Variants in BCLAF3 observed in about 807,000 individuals in gnomAD.
BCLAF3 encodes BCLAF1 and THRAP3 family member 3.
Under a neutral mutation model 51.2 loss-of-function variants are expected in BCLAF3, and 24 were observed. That is an observed-to-expected ratio of 0.47 (90% CI 0.34 to 0.66). The LOEUF (loss-of-function observed/expected upper bound fraction) is 0.66. BCLAF3 is among the 30% of genes least tolerant of loss of function. The pLI is 0.01. For synonymous variants in BCLAF3, 152 were observed against 176.6 expected (o/e 0.86, Z 1.10); for missense variants, 465 against 525.1 (o/e 0.89, Z 1.12).
At chrX:19,982,466 T>C (rs1193419392) in intron 1 of BCLAF3, among the ~76,000 whole-genome samples, 1 of 110,164 alleles carries the variant, frequency 9.1e-6, no homozygotes, top group Non-Finnish European at 1.9e-5. Flanking sequence ...TATTGCCAGT[T>C]CTTCAGTAAG....
chrX:19,977,011 T>C (rs1279959194), intron 1 of BCLAF3, among the ~76,000 whole-genome samples: 3 of 111,730 alleles, frequency 2.7e-5, no homozygotes, highest in African/African-American at 9.8e-5. Flanking sequence ...CTGTGATCTT[T>C]GATGCTACTA....
chrX:19,962,434 G>A (rs770313164), intron 4 of BCLAF3, among the ~76,000 whole-genome samples: 8 of 111,797 alleles, frequency 7.2e-5, no homozygotes, highest in East Asian at 5.6e-4. Flanking sequence ...AGCCTGCCCC[G>A]GCCTCCCACA....
chrX:19,990,362 C>T (rs1327207945), intron 1 of BCLAF3, among the ~76,000 whole-genome samples: 1 of 113,234 alleles, frequency 8.8e-6, no homozygotes, highest in Non-Finnish European at 1.9e-5. Context: ...ACAAGTTTTA[C>T]TTTACAATGC....
At position 19,916,088 on chromosome X, in the gene BCLAF3, G is replaced by C. The variant is rs1229722806; in HGVS notation, c.*1217C>G. 4 of 111,869 alleles carry C rather than the reference G, an allele frequency of 3.6e-5. No individual in the cohort carries two copies. Among genetic ancestry groups the C allele is most frequent in the Non-Finnish European group, 7.5e-5 (4 of 53,123 alleles). The allele number at this position is 111,869 out of a possible 1,213,427, so 9.2% of individuals were successfully genotyped here. A position where few individuals can be genotyped will look rare whatever the true frequency, so the allele number is the denominator to read the frequency against. On this transcript the variant is annotated 3_prime_UTR_variant, in exon 12 of 12. Coordinates refer to ENST00000379682, the MANE Select transcript of BCLAF3 (RefSeq NM_001367774.2). ...AATGTACTAAGATTTTTCACATCCAGTCATGAAAAACCAAGTTCTTATCAA... is the reference window on the plus strand; with the variant it reads ...AATGTACTAAGATTTTTCACATCCACTCATGAAAAACCAAGTTCTTATCAA...
At chrX:19,944,609 C>T (rs1263903511) in intron 8 of BCLAF3, among the ~76,000 whole-genome samples, 1 of 81,902 alleles carries the variant, frequency 1.2e-5, no homozygotes, top group South Asian at 4.2e-4. Flanking sequence ...GGCCCCCACT[C>T]TCTTCTGGTT....
chrX:19,928,974 G>C (rs2070452427), intron 11 of BCLAF3: 1 of 111,638 alleles, frequency 9.0e-6, no homozygotes, highest in South Asian at 3.7e-4. Flanking sequence ...AGTCACACAG[G>C]AGGAATACGT....
At chrX:19,926,375 G>A (rs1457033323) in intron 11 of BCLAF3, among the ~76,000 whole-genome samples, 1 of 111,301 alleles carries the variant, frequency 9.0e-6, no homozygotes, top group East Asian at 2.8e-4. Flanking sequence ...CTTCTTCTAG[G>A]ATATACTTCT....
intron 8 of BCLAF3, among the ~76,000 whole-genome samples, chrX:19,939,900 G>A (rs1195491720): frequency 8.9e-6 from 1 of 111,890 alleles, no homozygotes; most frequent in Admixed American, 9.5e-5. Context: ...TAGACAGAAA[G>A]AATAGAGGTT....
At chrX:19,941,587 T>C (rs1326190828) in intron 8 of BCLAF3, among the ~76,000 whole-genome samples, 1 of 109,213 alleles carries the variant, frequency 9.2e-6, no homozygotes, top group African/African-American at 3.4e-5. Flanking sequence ...GTTGTAGATA[T>C]GTGGCGTTAT....
At position 19,965,507 on chromosome X, in the gene BCLAF3, T is replaced by A; in HGVS notation, c.811A>T (p.Thr271Ser). 8.3e-7 allele frequency: 1 copy of A among 1,208,576 alleles called. No individual in the cohort carries two copies. Among genetic ancestry groups the A allele is most frequent in the Middle Eastern group, 2.3e-4 (1 of 4,322 alleles). ...YRHAEREHPE[T>S]SSATKVSYDY... is the part of the protein sequence containing the mutation. ...TAGGATACTTTGGTTGCTGAACTGG[T>A]CTCTGGGTGTTCCCTCTCAGCATGT... The change falls in exon 4 of 12, where the codon ACC (threonine) becomes TCC (serine). Residue 271 changes from threonine (T) to serine (S), a missense_variant. Physicochemically the swap from Thr to Ser is moderately conservative, Grantham distance 58. Transcript: ENST00000379682.
Position 19,963,639 on chromosome X carries a change from A to G in BCLAF3, c.1274+1405T>C, listed in dbSNP as rs772036575. Among the ~76,000 whole-genome samples, 8 of 111,539 alleles carry G rather than the reference A, an allele frequency of 7.2e-5. No homozygotes were observed. In the East Asian group the frequency reaches 2.3e-3, roughly 31 times the overall value. ...TCTGAGCACATATATAAATGCACAT[A>G]TGTATATTTAAAAATATTTTCTACA... On this transcript the variant is annotated intron_variant, in intron 4 of 11. Transcript: ENST00000379682.
chrX:19,986,966 T>G (rs1159600955), intron 1 of BCLAF3, among the ~76,000 whole-genome samples: 2 of 109,953 alleles, frequency 1.8e-5, no homozygotes, highest in Non-Finnish European at 3.8e-5. Flanking sequence ...CATACCCAGC[T>G]AATTTTTTAA....
In BCLAF3 at chrX:19,962,167, A is replaced by G. The variant is rs985867520; in HGVS notation, c.1274+2877T>C. 5.4e-5 allele frequency among the ~76,000 whole-genome samples: 6 copies of G among 111,992 alleles called. No individual in the cohort carries two copies. The East Asian group carries it at 1.1e-3, about 21-fold the overall frequency. On this transcript the variant is annotated intron_variant, in intron 4 of 11. Transcript: ENST00000379682. ...ACACTTCATTATTAAATATGGGGGT[A>G]TCATTACTTTTATTTTTTTAGTTTT...
chrX:19,937,517 G>A lies in BCLAF3; in HGVS notation c.1761C>T (p.Ser587=). 1 of 1,091,730 alleles carries A rather than the reference G, an allele frequency of 9.2e-7. No homozygotes were observed. The highest frequency in any genetic ancestry group is 1.2e-6 in the Non-Finnish European group (1 of 802,513). 90.0% of individuals were successfully genotyped at this position (1,091,730 alleles called of 1,213,427 possible). A position where few individuals can be genotyped will look rare whatever the true frequency, so the allele number is the denominator to read the frequency against. Residue 587 remains serine, a synonymous_variant, in exon 9 of 12, where the codon TCC becomes TCT. Transcript: ENST00000379682. ...ASAAERDDQN[S]SFSKVKNVHT... is the part of the protein sequence containing the mutation. ...GAACATTCTTTACCTTTGAAAAACT[G>A]GAATTCTGATCATCCCTAATAAGGA...
chrX:19,923,650 C>T lies in BCLAF3; in HGVS notation c.2106+6135G>A, dbSNP rs183915336. ...TAACCCATACCTGCTCTCAATTTTC[C>T]CCTCATCCCCGAGTCACTGGCAACC... On this transcript the variant is annotated intron_variant, in intron 11 of 11. Coordinates refer to ENST00000379682, the MANE Select transcript of BCLAF3 (RefSeq NM_001367774.2). Among the ~76,000 whole-genome samples the T allele has an allele frequency of 5.0e-4, 55 of 110,672 alleles. 1 individual carries two copies. Among genetic ancestry groups the T allele is most frequent in the East Asian group, 1.4e-3 (5 of 3,528 alleles).
chrX:19,946,181 C>T (rs1007698703), intron 8 of BCLAF3, among the ~76,000 whole-genome samples: 1 of 111,842 alleles, frequency 8.9e-6, no homozygotes, highest in Non-Finnish European at 1.9e-5. Context: ...TCTGGCACTC[C>T]CTAGTGAGAT....
rs757425744 is a variant in BCLAF3 at position 19,955,538 on chromosome X, GTC to G, written c.1301_1302del (p.Arg434ThrfsTer5). The G allele has an allele frequency of 8.3e-7, 1 of 1,198,109 alleles. No individual in the cohort carries two copies. Among genetic ancestry groups the G allele is most frequent in the Admixed American group, 2.3e-5 (1 of 43,386 alleles). ...ACAGCAACCAAATCATGTGACATCT[GTC>G]TCTCTGTGGAATAGCTAGAAGCAAC... ...FRVASSYSTE[R>X]QMSHDLVAVG... On this transcript the variant is annotated frameshift_variant, in exon 5 of 12. Coordinates refer to ENST00000379682, the MANE Select transcript of BCLAF3 (RefSeq NM_001367774.2). LOFTEE classifies it high-confidence loss of function.
intron 1 of BCLAF3, among the ~76,000 whole-genome samples, chrX:19,984,244 AAC>A (rs1351478393): frequency 9.0e-6 from 1 of 110,837 alleles, no homozygotes; most frequent in Non-Finnish European, 1.9e-5. Context: ...ATATAAACAT[AAC>A]ACAGCAATCA....
intron 11 of BCLAF3, chrX:19,918,021 AT>A (rs1291110483): frequency 8.9e-6 from 1 of 111,901 alleles, no homozygotes; most frequent in Non-Finnish European, 1.9e-5. Flanking sequence ...AAAATGGCAC[AT>A]TTTTTAGGGA....
Sources: gnomAD v4.1 joint callset for allele counts (sites outside exome capture counted in the v4.1 genomes callset) on GRCh38, gnomAD v4.1.1 for gene constraint, MANE v1.5 for transcripts, NCBI Gene and HGNC (gene_info 2026-07-23, HGNC 2026-07-21) for gene names.